Variants in JARID2 observed in about 807,000 individuals in gnomAD.
The protein encoded by JARID2 is protein Jumonji.
Under a neutral mutation model 125.6 loss-of-function variants are expected in JARID2, and 21 were observed. The observed-to-expected ratio is 0.17, with a 90% confidence interval of 0.12 to 0.24. JARID2 has a LOEUF of 0.24. JARID2 is among the 10% of genes least tolerant of loss of function. JARID2 has a pLI of 1.00. For missense variants in JARID2, 1,303 were observed against 1,639.6 expected (o/e 0.79, Z 3.55); for synonymous variants, 736 against 661.6 (o/e 1.11, Z -1.73).
Position 15,246,227 on chromosome 6 carries a change from G to T in JARID2, c.-313G>T, listed in dbSNP as rs931942259. 21 of 471,666 alleles carry T rather than the reference G, an allele frequency of 4.5e-5. No individual in the cohort carries two copies. The highest frequency in any genetic ancestry group is 2.8e-4 in the South Asian group (7 of 24,748). 29.2% of individuals were successfully genotyped at this position (471,666 alleles called of 1,614,324 possible). A position where few individuals can be genotyped will look rare whatever the true frequency, so the allele number is the denominator to read the frequency against. On this transcript the variant is annotated 5_prime_UTR_variant, in exon 1 of 18. Transcript: ENST00000341776. ...TAGTTTTTGGAGGAAAAAGGGGGGG[G>T]AGTGAAGGGCGTCGGTTTTTTTTTG...
chr6:15,280,111 CTT>C (rs1186931743), intron 1 of JARID2, among the ~76,000 whole-genome samples: 1 of 151,942 alleles, frequency 6.6e-6, no homozygotes, highest in Non-Finnish European at 1.5e-5. Flanking sequence ...AAATCCGTGA[CTT>C]TGGAAATTTT....
rs73724407 is a variant in JARID2 at position 15,443,280 on chromosome 6, T to C, written c.324-8726T>C. 6.4e-3 allele frequency among the ~76,000 whole-genome samples: 982 copies of C among 152,296 alleles called. 10 individuals carry two copies. Among genetic ancestry groups the C allele is most frequent in the African/African-American group, 0.022 (920 of 41,556 alleles). On this transcript the variant is annotated intron_variant, in intron 3 of 17. Transcript: ENST00000341776. ...ATGAATATATTTTTAAGTAGTTATG[T>C]CAGCGTTCCTAAGGGTGACTCACAG...
At chr6:15,439,711 C>A (rs1042897499) in intron 3 of JARID2, among the ~76,000 whole-genome samples, 1 of 152,060 alleles carries the variant, frequency 6.6e-6, no homozygotes, top group Non-Finnish European at 1.5e-5. Flanking sequence ...AGGATGTTTC[C>A]GGAAACTGAG....
At chr6:15,484,208 T>G (rs954777305) in intron 5 of JARID2, among the ~76,000 whole-genome samples, 5 of 152,226 alleles carry the variant, frequency 3.3e-5, no homozygotes, top group African/African-American at 1.2e-4. Context: ...GTTGTATTTC[T>G]TTTTGCTCAG....
chr6:15,500,740 C>T (rs973280747), intron 7 of JARID2, among the ~76,000 whole-genome samples, 167 bp from the exon 8 acceptor site: 10 of 152,128 alleles, frequency 6.6e-5, no homozygotes, highest in South Asian at 4.1e-4. Context: ...CATTTTGTAA[C>T]GCCCTTCTCT....
intron 3 of JARID2, among the ~76,000 whole-genome samples, chr6:15,439,215 A>G (rs1230018346): frequency 6.6e-6 from 1 of 152,076 alleles, no homozygotes; most frequent in Non-Finnish European, 1.5e-5. Flanking sequence ...GATTTTGGAC[A>G]TTGCTCATTT....
chr6:15,425,552 A>T (rs369212935), intron 3 of JARID2, among the ~76,000 whole-genome samples: 4 of 152,126 alleles, frequency 2.6e-5, no homozygotes, highest in African/African-American at 9.7e-5. Flanking sequence ...GTGGGAGTGG[A>T]TTCATACCTT....
chr6:15,359,340 C>T (rs1261598814), intron 1 of JARID2, among the ~76,000 whole-genome samples: 1 of 152,188 alleles, frequency 6.6e-6, no homozygotes, highest in Non-Finnish European at 1.5e-5. Context: ...GACGGTATGT[C>T]CTGCCCCTGA....
At chr6:15,400,550 G>A (rs2127554438) in intron 2 of JARID2, among the ~76,000 whole-genome samples, 1 of 152,176 alleles carries the variant, frequency 6.6e-6, no homozygotes, top group African/African-American at 2.4e-5. Flanking sequence ...CAATTAAACT[G>A]TGAATGTCCC....
At chr6:15,276,748 C>T (rs1760537206) in intron 1 of JARID2, among the ~76,000 whole-genome samples, 1 of 152,156 alleles carries the variant, frequency 6.6e-6, no homozygotes, top group African/African-American at 2.4e-5. Context: ...CCAGGGGGTC[C>T]TGTTGGCCTG....
At chr6:15,369,884 G>A (rs1312503352) in intron 1 of JARID2, among the ~76,000 whole-genome samples, 2 of 152,228 alleles carry the variant, frequency 1.3e-5, no homozygotes, top group African/African-American at 4.8e-5. Flanking sequence ...ACACTGCAAA[G>A]TGGCTGAGGA....
intron 5 of JARID2, among the ~76,000 whole-genome samples, chr6:15,473,645 T>C (rs934191976): frequency 6.6e-6 from 1 of 151,712 alleles, no homozygotes; most frequent in Non-Finnish European, 1.5e-5. Flanking sequence ...TATTTATGGG[T>C]TTTATGTATT....
chr6:15,512,841 C>G (rs1387330166), intron 14 of JARID2, 74 bp from the exon 15 acceptor site: 2 of 1,411,478 alleles, frequency 1.4e-6, no homozygotes, highest in East Asian at 2.3e-5. Context: ...CTGCCTGCCC[C>G]CTCCACCAAG....
At chr6:15,381,124 C>G (rs749331314) in intron 2 of JARID2, among the ~76,000 whole-genome samples, 2 of 151,122 alleles carry the variant, frequency 1.3e-5, no homozygotes, top group Admixed American at 1.3e-4. Context: ...GGGGCCGAGG[C>G]GGGTGGATCA....
intron 12 of JARID2, 118 bp from the exon 13 acceptor site, chr6:15,511,178 C>T (rs35360051): frequency 0.2 from 143,694 of 724,882 alleles, 15,700 homozygotes; most frequent in Non-Finnish European, 0.24. Context: ...CCATCCCTGC[C>T]GGCGTGGAGC....
intron 1 of JARID2, among the ~76,000 whole-genome samples, chr6:15,361,731 G>T (rs189615131): frequency 1.3e-5 from 2 of 152,146 alleles, no homozygotes; most frequent in Non-Finnish European, 2.9e-5. Flanking sequence ...CTAAACAACT[G>T]CAAGAAACCT....
At position 15,431,465 on chromosome 6, in the gene JARID2, T is replaced by G. The variant is rs138736156; in HGVS notation, c.324-20541T>G. ...TTCAGCTTTACCCTTCTGAAGGTCATGAGGAATAATTCTGACAAACACCTT... is the reference window on the plus strand; with the variant it reads ...TTCAGCTTTACCCTTCTGAAGGTCAGGAGGAATAATTCTGACAAACACCTT... On this transcript the variant is annotated intron_variant, in intron 3 of 17. Transcript: ENST00000341776. Among the ~76,000 whole-genome samples the G allele has an allele frequency of 3.7e-3, 569 of 152,280 alleles. 1 individual carries two copies. The highest frequency in any genetic ancestry group is 5.9e-3 in the Non-Finnish European group (403 of 68,014).
chr6:15,377,870 TC>T (rs1764419692), intron 2 of JARID2, among the ~76,000 whole-genome samples: 1 of 142,790 alleles, frequency 7.0e-6, no homozygotes, highest in Non-Finnish European at 1.5e-5. Flanking sequence ...TGTTTTTTTT[TC>T]AATTTTTTTT....
chr6:15,297,144 T>C (rs1231179880), intron 1 of JARID2, among the ~76,000 whole-genome samples: 1 of 152,176 alleles, frequency 6.6e-6, no homozygotes. Context: ...CTGGTTATTA[T>C]TATTTTTTAA....
Sources: allele counts gnomAD v4.1 joint callset (sites outside exome capture counted in the v4.1 genomes callset), GRCh38; gene constraint gnomAD v4.1.1; transcripts MANE v1.5; gene names NCBI Gene and HGNC (gene_info 2026-07-23, HGNC 2026-07-21).